ZGRF1: variants seen among roughly 807,000 people sequenced by gnomAD.
ZGRF1 encodes zinc finger GRF-type containing 1.
Under a neutral mutation model 203.5 loss-of-function variants are expected in ZGRF1, and 196 were observed. The ratio of observed to expected loss-of-function variants is 0.96; its 90% CI spans 0.86 to 1.08. ZGRF1 has a LOEUF of 1.08. Among genes scored for constraint, ZGRF1 ranks in the 50% least tolerant of loss-of-function variants. ZGRF1 has a pLI of 0.00. For synonymous variants in ZGRF1, 809 were observed against 841.3 expected (o/e 0.96, Z 0.66); for missense variants, 2,326 against 2,416.3 (o/e 0.96, Z 0.78).
At position 112,633,153 on chromosome 4, in the gene ZGRF1, T is replaced by C; in HGVS notation, c.21+3A>G. On this transcript the variant is annotated splice_donor_region_variant and intron_variant, in intron 2 of 27. Transcript: ENST00000505019. ...CCAAACTGTGAAAAATGGTAAAACTTACAATAAATTCTTGGCTTTCCATTA... is the reference window on the plus strand; with the variant it reads ...CCAAACTGTGAAAAATGGTAAAACTCACAATAAATTCTTGGCTTTCCATTA... 2 of 1,609,316 alleles carry C rather than the reference T, an allele frequency of 1.2e-6. No homozygotes were observed. Among genetic ancestry groups the C allele is most frequent in the Non-Finnish European group, 1.7e-6 (2 of 1,176,648 alleles).
In ZGRF1 at chr4:112,603,610, G is replaced by A; in HGVS notation, c.2890C>T (p.Gln964Ter). 6.2e-7 allele frequency: 1 copy of A among 1,613,608 alleles called. No individual in the cohort carries two copies. The highest frequency in any genetic ancestry group is 8.5e-7 in the Non-Finnish European group (1 of 1,179,542). The change falls in exon 10 of 28, where the codon CAG (glutamine) becomes TAG (stop). Residue 964 changes from glutamine (Q) to a stop codon, truncating the protein, a stop_gained. Coordinates refer to ENST00000505019, the MANE Select transcript of ZGRF1 (RefSeq NM_018392.5). LOFTEE classifies it high-confidence loss of function. The stretch of plus-strand genomic sequence containing the variant: ...TCATACTCAGTGCTATCTGGAAACT[G>A]ACTGCATCCTAGCTGTGAGCTGTGT... ...RGHSSQLGCS[Q>*]FPDSTEYENF...
In ZGRF1 at chr4:112,581,608, T is replaced by C. The variant is rs374575798; in HGVS notation, c.4438+55A>G. 1.7e-4 allele frequency: 228 copies of C among 1,311,298 alleles called. 3 individuals are homozygous for C. The South Asian group carries it at 3.7e-3, about 21-fold the overall frequency. The allele number at this position is 1,311,298 out of a possible 1,614,324, so 81.2% of individuals were successfully genotyped here. Reference sequence around the variant, plus strand: ...AATATAAACAATTTATACAGCTGTATGTAATGGAGATAATAAGGCTAGACT... The same window carrying C: ...AATATAAACAATTTATACAGCTGTACGTAATGGAGATAATAAGGCTAGACT... On this transcript the variant is annotated intron_variant, in intron 16 of 27. Coordinates refer to ENST00000505019, the MANE Select transcript of ZGRF1 (RefSeq NM_018392.5).
chr4:112,634,378 A>G (rs1412932359), intron 1 of ZGRF1, among the ~76,000 whole-genome samples: 1 of 152,208 alleles, frequency 6.6e-6, no homozygotes, highest in Non-Finnish European at 1.5e-5. Flanking sequence ...TTCCCAAACA[A>G]GAATTGCAGG....
At chr4:112,581,624 A>C (rs190849890) in intron 16 of ZGRF1, 39 bp downstream of exon 16, 1 of 1,458,188 alleles carries the variant, frequency 6.9e-7, no homozygotes, top group Non-Finnish European at 9.1e-7. Context: ...GGAGATAATA[A>C]GGCTAGACTG....
intron 10 of ZGRF1, among the ~76,000 whole-genome samples, chr4:112,592,187 T>A (rs917417098): frequency 2.0e-5 from 3 of 147,344 alleles, no homozygotes; most frequent in Non-Finnish European, 4.5e-5. Context: ...AACCTCTAAC[T>A]CCCAAGTACA....
Position 112,585,729 on chromosome 4 carries a change from C to CAAAAA in ZGRF1, c.3917-9_3917-5dup. ...AACAGCAATATATTTAGATGTTCTA[C>CAAAAA]AAAAAAAAAAAAAAGAGAGCAGAAA... On this transcript the variant is annotated splice_region_variant and splice_polypyrimidine_tract_variant and intron_variant, in intron 13 of 27. Transcript: ENST00000505019. 1.7e-6 allele frequency: 2 copies of CAAAAA among 1,161,802 alleles called. No individual in the cohort carries two copies. The highest frequency in any genetic ancestry group is 2.2e-6 in the Non-Finnish European group (2 of 909,348). The allele number at this position is 1,161,802 out of a possible 1,614,324, so 72.0% of individuals were successfully genotyped here.
chr4:112,557,296 T>A (rs930716196), intron 20 of ZGRF1, among the ~76,000 whole-genome samples: 1 of 152,010 alleles, frequency 6.6e-6, no homozygotes, highest in African/African-American at 2.4e-5. Flanking sequence ...CTCAGCCTCC[T>A]GAGTAGCTGG....
At chr4:112,579,369 G>C (rs1482467900) in intron 16 of ZGRF1, among the ~76,000 whole-genome samples, 1 of 122,790 alleles carries the variant, frequency 8.1e-6, no homozygotes, top group African/African-American at 2.8e-5. Flanking sequence ...CACAAGACAC[G>C]GATGCGCTCT....
At chr4:112,554,042 C>A in intron 21 of ZGRF1, 60 bp from the exon 22 acceptor site, 1 of 1,423,358 alleles carries the variant, frequency 7.0e-7, no homozygotes, top group Admixed American at 2.3e-5. Context: ...CACAGTAAAG[C>A]AAAATATAGA....
intron 4 of ZGRF1, among the ~76,000 whole-genome samples, chr4:112,622,277 A>G (rs1280089583): frequency 3.3e-5 from 5 of 151,568 alleles, no homozygotes; most frequent in Non-Finnish European, 4.4e-5. Context: ...CCAGCACTTT[A>G]GGAGGCCAAG....
At chr4:112,622,520 GAAAAAAA>G (rs5861105) in intron 4 of ZGRF1, among the ~76,000 whole-genome samples, 1 of 75,256 alleles carries the variant, frequency 1.3e-5, no homozygotes, top group Non-Finnish European at 2.4e-5. Flanking sequence ...ACTCCATCTC[GAAAAAAA>G]AAAAAAAAAA....
At position 112,577,061 on chromosome 4, in the gene ZGRF1, T is replaced by C. The variant is rs375589628; in HGVS notation, c.4438+4602A>G. On this transcript the variant is annotated intron_variant, in intron 16 of 27. Transcript: ENST00000505019. ...GAGTTACCCACAAAGGGAAGCCCAT[T>C]AGACTAACAGCTGATCTCTCAGCAG... 3.4e-5 allele frequency among the ~76,000 whole-genome samples: 2 copies of C among 58,766 alleles called. 1 individual carries two copies. The highest frequency in any genetic ancestry group is 4.6e-4 in the Admixed American group (2 of 4,388). The allele number at this position is 58,766 out of a possible 152,430, so 38.6% of individuals were successfully genotyped here.
chr4:112,604,342 T>C (rs967119408), intron 9 of ZGRF1, among the ~76,000 whole-genome samples: 1 of 152,192 alleles, frequency 6.6e-6, no homozygotes, highest in Non-Finnish European at 1.5e-5. Flanking sequence ...AAATATTTAG[T>C]TGCTTCTCAA....
intron 7 of ZGRF1, among the ~76,000 whole-genome samples, chr4:112,609,830 AAC>A (rs1751322998): frequency 6.6e-6 from 1 of 151,828 alleles, no homozygotes; most frequent in Non-Finnish European, 1.5e-5. Flanking sequence ...GAAATACTAG[AAC>A]ACCATCACTA....
At chr4:112,596,450 GA>G (rs1275221305) in intron 10 of ZGRF1, among the ~76,000 whole-genome samples, 4 of 152,014 alleles carry the variant, frequency 2.6e-5, no homozygotes, top group African/African-American at 4.8e-5. Flanking sequence ...ACACTGGGGG[GA>G]AAAGCAACAA....
At chr4:112,631,807 T>A in intron 3 of ZGRF1, 123 bp downstream of exon 3, 1 of 476,040 alleles carries the variant, frequency 2.1e-6, no homozygotes, top group Middle Eastern at 3.7e-4. Flanking sequence ...TTTGAAAATC[T>A]GTTTTCACAT....
intron 3 of ZGRF1, 52 bp from the exon 4 acceptor site, chr4:112,623,928 C>T: frequency 1.1e-6 from 1 of 896,482 alleles, no homozygotes; most frequent in Non-Finnish European, 1.8e-6. Context: ...TTATGCTTTT[C>T]TTAAACTTCT....
At chr4:112,635,129 CAAAAA>C (rs34823978) in intron 1 of ZGRF1, among the ~76,000 whole-genome samples, 1 of 89,104 alleles carries the variant, frequency 1.1e-5, no homozygotes. Flanking sequence ...GACTCCATCT[CAAAAA>C]AAAAAAAAAA....
chr4:112,611,589 T>A (rs1394160720), intron 7 of ZGRF1, among the ~76,000 whole-genome samples: 1 of 152,210 alleles, frequency 6.6e-6, no homozygotes, highest in Non-Finnish European at 1.5e-5. Flanking sequence ...CAATTCATCC[T>A]AATTAGAACT....
Sources: allele counts gnomAD v4.1 joint callset (sites outside exome capture counted in the v4.1 genomes callset), GRCh38; gene constraint gnomAD v4.1.1; transcripts MANE v1.5; gene names NCBI Gene and HGNC (gene_info 2026-07-23, HGNC 2026-07-21).